Variants in AGMO observed in about 807,000 individuals in gnomAD.
AGMO encodes the protein alkylglycerol monooxygenase.
Under a neutral mutation model 60.2 loss-of-function variants are expected in AGMO, and 75 were observed. That is an observed-to-expected ratio of 1.25 (90% CI 1.03 to 1.51). The LOEUF (loss-of-function observed/expected upper bound fraction) is 1.51. Ranked by LOEUF, AGMO falls within the 40% of genes most tolerant of loss-of-function variation. The pLI, the probability that AGMO is intolerant of heterozygous loss-of-function variation, is 0.00. For synonymous variants in AGMO, 261 were observed against 177.1 expected (o/e 1.47, Z -3.76); for missense variants, 763 against 525.5 (o/e 1.45, Z -4.42).
intron 12 of AGMO, among the ~76,000 whole-genome samples, chr7:15,205,009 G>C (rs114040585): frequency 0.013 from 2,020 of 152,174 alleles, 40 homozygotes; most frequent in African/African-American, 0.042. Context: ...TGTTTTGAGA[G>C]GCCTTATTCA....
intron 3 of AGMO, among the ~76,000 whole-genome samples, chr7:15,442,100 T>A (rs1285305346): frequency 6.6e-6 from 1 of 152,202 alleles, no homozygotes; most frequent in Non-Finnish European, 1.5e-5. Context: ...CCCCTGAAAG[T>A]GCCAGATTGA....
At chr7:15,382,677 A>G (rs1783739921) in intron 10 of AGMO, among the ~76,000 whole-genome samples, 1 of 152,234 alleles carries the variant, frequency 6.6e-6, no homozygotes, top group Admixed American at 6.5e-5. Context: ...AAGCCCTTTT[A>G]GAAGCGCTGC....
At chr7:15,429,337 T>A (rs778746702) in intron 4 of AGMO, among the ~76,000 whole-genome samples, 3 of 152,018 alleles carry the variant, frequency 2.0e-5, no homozygotes, top group Non-Finnish European at 2.9e-5. Flanking sequence ...GGCAAGTCCC[T>A]AAACCAATAT....
intron 12 of AGMO, among the ~76,000 whole-genome samples, chr7:15,342,172 TAA>T (rs775057626): frequency 0.029 from 1,570 of 54,202 alleles, 59 homozygotes; most frequent in African/African-American, 0.13. Context: ...CCCACAGAGT[TAA>T]AAAAAAAAAA....
intron 8 of AGMO, 133 bp downstream of exon 8, chr7:15,390,538 A>G (rs772773250): frequency 3.7e-6 from 2 of 545,062 alleles, no homozygotes; most frequent in Non-Finnish European, 3.1e-6. Context: ...AGTTATTTGT[A>G]AATTTTTTAA....
chr7:15,527,520 A>G (rs1196355549), intron 3 of AGMO, among the ~76,000 whole-genome samples: 3 of 152,236 alleles, frequency 2.0e-5, no homozygotes, highest in Non-Finnish European at 2.9e-5. Flanking sequence ...GAAAGAAGCC[A>G]TCTTCATAAA....
At chr7:15,415,900 A>T (rs1361460604) in intron 5 of AGMO, among the ~76,000 whole-genome samples, 1 of 152,226 alleles carries the variant, frequency 6.6e-6, no homozygotes, top group Non-Finnish European at 1.5e-5. Flanking sequence ...ATCCATGAAC[A>T]ATACACAGAC....
intron 2 of AGMO, among the ~76,000 whole-genome samples, chr7:15,553,091 T>C (rs1785017354): frequency 6.7e-6 from 1 of 149,662 alleles, no homozygotes; most frequent in Non-Finnish European, 1.5e-5. Flanking sequence ...AAACACCGCA[T>C]ATTCTCACTC....
chr7:15,550,879 G>C (rs1160585767), intron 2 of AGMO, among the ~76,000 whole-genome samples: 1 of 140,056 alleles, frequency 7.1e-6, no homozygotes, highest in Non-Finnish European at 1.5e-5. Context: ...GAGAATTTTA[G>C]ACCAATATCC....
At chr7:15,150,871 T>G in the AGMO span, among the ~76,000 whole-genome samples, 1 of 152,146 alleles carries the variant, frequency 6.6e-6, no homozygotes, top group Admixed American at 6.5e-5. Context: ...CTTGATTTTT[T>G]TGGAAACATG....
chr7:15,324,980 C>G (rs953291601), intron 12 of AGMO, among the ~76,000 whole-genome samples: 3 of 151,926 alleles, frequency 2.0e-5, no homozygotes, highest in Non-Finnish European at 4.4e-5. Flanking sequence ...CACTCCAAAC[C>G]AAAGTAAAAT....
intron 10 of AGMO, among the ~76,000 whole-genome samples, chr7:15,367,461 T>TAA (rs1461856145): frequency 6.6e-6 from 1 of 151,846 alleles, no homozygotes; most frequent in African/African-American, 2.4e-5. Context: ...GCTTTATTTT[T>TAA]AAAAAAACGC....
chr7:15,284,707 C>T (rs962546964), intron 12 of AGMO, among the ~76,000 whole-genome samples: 1 of 151,886 alleles, frequency 6.6e-6, no homozygotes, highest in Non-Finnish European at 1.5e-5. Context: ...ATAGAATCCT[C>T]CCTAACTATC....
At position 15,387,477 on chromosome 7, in the gene AGMO, A is replaced by G; in HGVS notation, c.886T>C (p.Ser296Pro). 6.2e-7 allele frequency: 1 copy of G among 1,614,168 alleles called. No individual in the cohort carries two copies. The highest frequency in any genetic ancestry group is 8.5e-7 in the Non-Finnish European group (1 of 1,179,982). ...CATCCCGGTCCCTTAAATATGACAG[A>G]AAACTTATTGAAGAATCCAGGTGTG... is the stretch of plus-strand genomic sequence containing the variant. Reference protein sequence around the residue: ...WATPGFFNKFSVIFKGPGWGP... With the variant: ...WATPGFFNKFPVIFKGPGWGP... The change falls in exon 9 of 13, where the codon TCT becomes CCT. Residue 296 changes from serine (S) to proline (P), a missense_variant. By Grantham distance (74) the Ser-to-Pro change is moderately conservative. Transcript: ENST00000342526.
intron 12 of AGMO, among the ~76,000 whole-genome samples, chr7:15,254,508 T>A (rs746592823): frequency 6.6e-6 from 1 of 152,152 alleles, no homozygotes; most frequent in African/African-American, 2.4e-5. Flanking sequence ...TATTTTTTCA[T>A]ACACCTATTG....
intron 9 of AGMO, 65 bp downstream of exon 9, chr7:15,387,336 TACAGG>T (rs1380216409): frequency 6.5e-7 from 1 of 1,547,954 alleles, no homozygotes; most frequent in South Asian, 1.2e-5. Context: ...ACAGCGTATG[TACAGG>T]CTGGCTGTAG....
chr7:15,501,557 C>T (rs923817112), intron 3 of AGMO, among the ~76,000 whole-genome samples: 1 of 151,532 alleles, frequency 6.6e-6, no homozygotes, highest in African/African-American at 2.4e-5. Context: ...AATTAATATA[C>T]AAGAACTCCA....
At chr7:15,293,640 C>T (rs942243431) in intron 12 of AGMO, among the ~76,000 whole-genome samples, 34 of 152,028 alleles carry the variant, frequency 2.2e-4, no homozygotes, top group African/African-American at 7.5e-4. Context: ...TGATTAAATT[C>T]GATATTCAGG....
chr7:15,365,727 A>T, intron 11 of AGMO, 108 bp from the exon 12 acceptor site: 1 of 740,036 alleles, frequency 1.4e-6, no homozygotes, highest in Admixed American at 3.0e-5. Flanking sequence ...CTAGTATTTT[A>T]ATATATTTGA....
Sources: allele counts gnomAD v4.1 joint callset (sites outside exome capture counted in the v4.1 genomes callset), GRCh38; gene constraint gnomAD v4.1.1; transcripts MANE v1.5; gene names NCBI Gene and HGNC (gene_info 2026-07-23, HGNC 2026-07-21).